Variants in SRRM4 observed in about 807,000 individuals in gnomAD.
SRRM4 encodes the protein serine/arginine repetitive matrix 4.
In SRRM4, 33 loss-of-function variants were observed where a neutral mutation model predicts 68.9. That is an observed-to-expected ratio of 0.48 (90% CI 0.36 to 0.64). The LOEUF is 0.64. Ranked by LOEUF, SRRM4 falls within the 30% of genes least tolerant of loss-of-function variation. The pLI is 0.00. For missense variants in SRRM4, 817 were observed against 827.1 expected, an observed-to-expected ratio of 0.99 and a Z score of 0.15; for synonymous variants, 318 against 318.8, an observed-to-expected ratio of 1.00 and a Z score of 0.03.
intron 8 of SRRM4, 144 bp from the exon 9 acceptor site, chr12:119,145,237 G>GT: frequency 2.8e-6 from 2 of 723,322 alleles, no homozygotes; most frequent in South Asian, 4.8e-5. Flanking sequence ...TTGTGCTTTT[G>GT]TTTTTTGGCG....
At chr12:119,055,262 CA>C (rs994012851) in intron 1 of SRRM4, among the ~76,000 whole-genome samples, 3 of 152,106 alleles carry the variant, frequency 2.0e-5, no homozygotes, top group Admixed American at 1.3e-4. Context: ...GACAGACAAC[CA>C]AATAAACTCT....
chr12:119,154,292 G>T lies in SRRM4; in HGVS notation c.1441G>T (p.Glu481Ter). 6.2e-7 allele frequency: 1 copy of T among 1,611,306 alleles called. No individual in the cohort carries two copies. Among genetic ancestry groups the T allele is most frequent in the Non-Finnish European group, 8.5e-7 (1 of 1,178,906 alleles). The change falls in exon 12 of 13, where the codon GAG (glutamate) becomes TAG (stop). Residue 481 changes from glutamate to a stop codon, truncating the protein, a stop_gained. Transcript: ENST00000267260. LOFTEE classifies it high-confidence loss of function. The surrounding 1 kb of genome is among the most constrained non-coding windows in gnomAD (Gnocchi z 4.7). Reference protein sequence around the residue: ...SEKDSQQRERERARRRRRSYS... With the variant: ...SEKDSQQRER ...GAAGGACTCGCAGCAGCGGGAGCGCGAGCGAGCGCGTCGGAGACGTCGGTC... is the reference window on the plus strand; with the variant it reads ...GAAGGACTCGCAGCAGCGGGAGCGCTAGCGAGCGCGTCGGAGACGTCGGTC...
In SRRM4 at chr12:119,154,478, G is replaced by GAGA; in HGVS notation, c.1532+95_1532+96insAGA. 1 of 1,433,278 alleles carries GAGA rather than the reference G, an allele frequency of 7.0e-7. No homozygotes were observed. The highest frequency in any genetic ancestry group is 9.5e-7 in the Non-Finnish European group (1 of 1,048,300). The allele number at this position is 1,433,278 out of a possible 1,614,324, so 88.8% of individuals were successfully genotyped here. On this transcript the variant is annotated intron_variant, in intron 12 of 12. Coordinates refer to ENST00000267260, the MANE Select transcript of SRRM4 (RefSeq NM_194286.4). This position sits in a 1 kb window ranked among gnomAD's most constrained non-coding sequence, Gnocchi z 4.7. ...TCAGGCTCTCCCTAGGCCTCCTTGG[G>GAGA]GCTGGGATTTAGGATTGTGCGAGCT...
chr12:119,122,055 C>T lies in SRRM4; in HGVS notation c.465-15C>T. On this transcript the variant is annotated splice_polypyrimidine_tract_variant and intron_variant, in intron 5 of 12. Transcript: ENST00000267260. ...AATTTTGCATCTTTCAATTAATTGACCATTTCTTGTTTAGCTCCTCTAGCC... is the reference window on the plus strand; with the variant it reads ...AATTTTGCATCTTTCAATTAATTGATCATTTCTTGTTTAGCTCCTCTAGCC... 6.3e-7 allele frequency: 1 copy of T among 1,582,382 alleles called. No homozygotes were observed. The highest frequency in any genetic ancestry group is 8.7e-7 in the Non-Finnish European group (1 of 1,151,444).
intron 1 of SRRM4, among the ~76,000 whole-genome samples, chr12:119,072,597 C>T (rs1422816352): frequency 1.3e-5 from 2 of 148,846 alleles, no homozygotes; most frequent in Non-Finnish European, 3.0e-5. Flanking sequence ...TTAATCAGTC[C>T]ATTACGCAGG....
intron 6 of SRRM4, among the ~76,000 whole-genome samples, chr12:119,124,932 G>T (rs536616962): frequency 1.2e-4 from 18 of 152,304 alleles, no homozygotes; most frequent in African/African-American, 3.8e-4. Context: ...AAATATTCTG[G>T]AGGCAAAGCA....
At chr12:119,112,947 G>A (rs1954153692) in intron 2 of SRRM4, among the ~76,000 whole-genome samples, 1 of 151,888 alleles carries the variant, frequency 6.6e-6, no homozygotes, top group South Asian at 2.1e-4. Context: ...TGCAAATGTA[G>A]CCCGGAATGT....
intron 8 of SRRM4, among the ~76,000 whole-genome samples, chr12:119,141,568 C>T (rs775322633): frequency 6.6e-6 from 1 of 152,162 alleles, no homozygotes; most frequent in African/African-American, 2.4e-5. Flanking sequence ...AGACACCCAG[C>T]TGGATCCCAC....
At position 118,981,987 on chromosome 12, in the gene SRRM4, T is replaced by C; in HGVS notation, c.105T>C (p.Ser35=). The C allele has an allele frequency of 1.9e-6, 3 of 1,610,576 alleles. No individual in the cohort carries two copies. In the South Asian group the frequency reaches 3.3e-5, roughly 18 times the overall value. The part of the protein sequence containing the change: ...TPRPESIIVA[S]ITARKPLPRT... Reference sequence around the variant, plus strand: ...GTCCCGAGAGCATCATTGTCGCCAGTATCACGGCCCGCAAGCCGCTGCCAA... The same window carrying C: ...GTCCCGAGAGCATCATTGTCGCCAGCATCACGGCCCGCAAGCCGCTGCCAA... The change falls in exon 1 of 13, where the codon AGT becomes AGC. Residue 35 remains serine, a synonymous_variant. Coordinates refer to ENST00000267260, the MANE Select transcript of SRRM4 (RefSeq NM_194286.4).
intron 1 of SRRM4, among the ~76,000 whole-genome samples, chr12:119,052,293 G>A (rs1473034460): frequency 6.6e-6 from 1 of 152,156 alleles, no homozygotes; most frequent in Non-Finnish European, 1.5e-5. Context: ...AGAGGGACAG[G>A]TAGTGAGTTT....
intron 4 of SRRM4, 52 bp from the exon 5 acceptor site, chr12:119,120,198 C>T: frequency 7.5e-7 from 1 of 1,337,924 alleles, no homozygotes; most frequent in Middle Eastern, 1.8e-4. Flanking sequence ...TCTTTCTCTG[C>T]CTTTTTTTTC....
chr12:119,010,225 G>A (rs1178565060), intron 1 of SRRM4, among the ~76,000 whole-genome samples: 2 of 152,106 alleles, frequency 1.3e-5, no homozygotes, highest in Admixed American at 1.3e-4. Context: ...GCTAATTTTC[G>A]TATCTTTAGT....
At chr12:119,135,414 C>T (rs185588475) in intron 8 of SRRM4, among the ~76,000 whole-genome samples, 197 of 152,180 alleles carry the variant, frequency 1.3e-3, no homozygotes, top group African/African-American at 4.5e-3. Flanking sequence ...GTACAAATGT[C>T]GAAACCAAAA....
intron 1 of SRRM4, among the ~76,000 whole-genome samples, chr12:118,992,874 C>T (rs1270519314): frequency 6.6e-6 from 1 of 152,148 alleles, no homozygotes; most frequent in East Asian, 1.9e-4. Flanking sequence ...GGCTGCTTGG[C>T]ACCCAGTCCC....
chr12:119,001,241 G>A (rs181113336), intron 1 of SRRM4: 2 of 152,262 alleles, frequency 1.3e-5, no homozygotes, highest in Non-Finnish European at 2.9e-5. Flanking sequence ...GATGAGGAAA[G>A]TGAACAACGT....
At chr12:119,144,288 G>C (rs1165829024) in intron 8 of SRRM4, among the ~76,000 whole-genome samples, 1 of 152,126 alleles carries the variant, frequency 6.6e-6, no homozygotes, top group African/African-American at 2.4e-5. Context: ...GTTCCACAAG[G>C]GTTTCCTGCT....
At chr12:119,094,718 G>C (rs1174388365) in intron 1 of SRRM4, among the ~76,000 whole-genome samples, 2 of 152,202 alleles carry the variant, frequency 1.3e-5, no homozygotes, top group African/African-American at 4.8e-5. Flanking sequence ...TGCCCTCTCT[G>C]TGGGTCCACT....
intron 10 of SRRM4, among the ~76,000 whole-genome samples, 168 bp from the exon 11 acceptor site, chr12:119,153,371 A>G (rs950074156): frequency 3.3e-5 from 5 of 151,844 alleles, no homozygotes; most frequent in African/African-American, 7.3e-5. Context: ...ATTATTAACC[A>G]CCGGTGGGGA....
chr12:119,049,099 C>T (rs999121284), intron 1 of SRRM4, among the ~76,000 whole-genome samples: 8 of 152,044 alleles, frequency 5.3e-5, no homozygotes, highest in East Asian at 1.9e-4. Context: ...GGAAGAAGAC[C>T]GGCTATAGAC....
Sources: gnomAD v4.1 joint callset for allele counts (sites outside exome capture counted in the v4.1 genomes callset) on GRCh38, gnomAD v4.1.1 for gene constraint, Gnocchi (gnomAD v3.1) non-coding constraint, MANE v1.5 for transcripts, NCBI Gene and HGNC (gene_info 2026-07-23, HGNC 2026-07-21) for gene names.